Variants in ADAM19 observed in about 807,000 individuals in gnomAD.
ADAM19 encodes ADAM metallopeptidase domain 19, also known as disintegrin and metalloproteinase domain-containing protein 19.
Under a neutral mutation model 114.7 loss-of-function variants are expected in ADAM19, and 65 were observed. The ratio of observed to expected loss-of-function variants is 0.57; its 90% confidence interval spans 0.46 to 0.70. ADAM19 has a LOEUF of 0.70. Ranked by LOEUF, ADAM19 falls within the 30% of genes least tolerant of loss-of-function variation. ADAM19 has a pLI of 0.00. For synonymous variants in ADAM19, 466 were observed against 460.5 expected (o/e 1.01, Z -0.15); for missense variants, 1,063 against 1,204.7 (o/e 0.88, Z 1.74).
chr5:157,514,451 T>G (rs1581318187), intron 7 of ADAM19, among the ~76,000 whole-genome samples: 1 of 151,876 alleles, frequency 6.6e-6, no homozygotes, highest in African/African-American at 2.4e-5. Context: ...CTCAGCCTCC[T>G]GAGTAGCTGG....
intron 22 of ADAM19, chr5:157,481,237 T>C: frequency 1.6e-6 from 1 of 610,384 alleles, no homozygotes; most frequent in Non-Finnish European, 2.9e-6. Flanking sequence ...TTCCCTTCCC[T>C]GCTAAGGCAG....
chr5:157,477,775 A>C lies in ADAM19; in HGVS notation c.*3174T>G, dbSNP rs1754635536. ...TAAATTAGGAAGTAGGCAGGGAGAG[A>C]CTTCCAATAAAGATTGGAAAGGCGT... is the stretch of plus-strand genomic sequence containing the variant. On this transcript the variant is annotated 3_prime_UTR_variant, in exon 23 of 23. Coordinates refer to ENST00000257527, the MANE Select transcript of ADAM19 (RefSeq NM_033274.5). 1 of 1,270,254 alleles carries C rather than the reference A, an allele frequency of 7.9e-7. No individual in the cohort carries two copies. Among genetic ancestry groups the C allele is most frequent in the Non-Finnish European group, 1.0e-6 (1 of 971,394 alleles). 78.7% of individuals were successfully genotyped at this position (1,270,254 alleles called of 1,614,324 possible).
At chr5:157,543,445 A>G (rs774375458) in intron 3 of ADAM19, among the ~76,000 whole-genome samples, 4 of 152,208 alleles carry the variant, frequency 2.6e-5, no homozygotes, top group Non-Finnish European at 5.9e-5. Flanking sequence ...ATGGTTTCTC[A>G]TCATAAAATG....
At position 157,493,216 on chromosome 5, in the gene ADAM19, G is replaced by C. The variant is rs371224819; in HGVS notation, c.1704-39C>G. On this transcript the variant is annotated intron_variant, in intron 15 of 22. Coordinates refer to ENST00000257527, the MANE Select transcript of ADAM19 (RefSeq NM_033274.5). ...ACAGAGAGGGAAGGAAGCGGAATCA[G>C]AGGCAGAGGAAGAGCTGGGGCACCA... 7.5e-6 allele frequency: 12 copies of C among 1,602,086 alleles called. No homozygotes were observed. The African/African-American group carries it at 1.3e-4, about 18-fold the overall frequency.
intron 3 of ADAM19, among the ~76,000 whole-genome samples, chr5:157,548,404 C>T (rs1359525838): frequency 1.3e-5 from 2 of 152,168 alleles, no homozygotes; most frequent in Non-Finnish European, 2.9e-5. Flanking sequence ...TTGGCACTCA[C>T]AATATTTGTT....
intron 3 of ADAM19, among the ~76,000 whole-genome samples, chr5:157,556,827 G>A (rs771953079): frequency 2.6e-5 from 4 of 152,218 alleles, no homozygotes. Flanking sequence ...AAGACATTGT[G>A]TGAAGTGCCT....
At chr5:157,538,037 C>T in intron 3 of ADAM19, 46 bp from the exon 4 acceptor site, 1 of 1,472,422 alleles carries the variant, frequency 6.8e-7, no homozygotes, top group Non-Finnish European at 9.5e-7. Flanking sequence ...TGGATGAACT[C>T]CACCCTCCTA....
intron 3 of ADAM19, among the ~76,000 whole-genome samples, chr5:157,550,181 T>C (rs141020280): frequency 2.6e-4 from 40 of 152,292 alleles, no homozygotes; most frequent in African/African-American, 9.4e-4. Context: ...GAAGTTTATG[T>C]CACACAGTTC....
Position 157,518,817 on chromosome 5 carries a change from C to T in ADAM19, c.666+6G>A, listed in dbSNP as rs761701277. 15 of 1,612,544 alleles carry T rather than the reference C, an allele frequency of 9.3e-6. No homozygotes were observed. The highest frequency in any genetic ancestry group is 1.3e-5 in the African/African-American group (1 of 74,898). On this transcript the variant is annotated splice_donor_region_variant and intron_variant, in intron 7 of 22. Coordinates refer to ENST00000257527, the MANE Select transcript of ADAM19 (RefSeq NM_033274.5). The stretch of plus-strand genomic sequence containing the variant: ...TTTTCTGCAAGACCCATTGCCTCCC[C>T]CTTACCTCTAAATAATCAGCCACGA...
chr5:157,495,477 A>T (rs1452574967), intron 14 of ADAM19, among the ~76,000 whole-genome samples: 1 of 152,210 alleles, frequency 6.6e-6, no homozygotes, highest in African/African-American at 2.4e-5. Flanking sequence ...TTTTTCTTGT[A>T]GTCATCCAGT....
rs565248363 is a variant in ADAM19 at position 157,554,714 on chromosome 5, G to A, written c.251+9659C>T. Among the ~76,000 whole-genome samples, 11 of 152,300 alleles carry A rather than the reference G, an allele frequency of 7.2e-5. No individual in the cohort carries two copies. The South Asian group carries it at 1.5e-3, about 20-fold the overall frequency. Reference sequence around the variant, plus strand: ...GACCCTGCAAAACACAAATAACAGTGTCTATTTATTGTGCTCTCATAGTGC... The same window carrying A: ...GACCCTGCAAAACACAAATAACAGTATCTATTTATTGTGCTCTCATAGTGC... On this transcript the variant is annotated intron_variant, in intron 3 of 22. Transcript: ENST00000257527.
At chr5:157,499,359 G>A (rs35668869) in intron 13 of ADAM19, among the ~76,000 whole-genome samples, 13,558 of 151,940 alleles carry the variant, frequency 0.089, 809 homozygotes, top group Middle Eastern at 0.17. Flanking sequence ...CCAAAGAAGC[G>A]CCACCCTCCT....
rs771656257 is a variant in ADAM19, at chr5:157,518,806, C to A, written c.666+17G>T. ...AAGAGAGCAGTTTTTCTGCAAGACCCATTGCCTCCCCCTTACCTCTAAATA... is the reference window on the plus strand; with the variant it reads ...AAGAGAGCAGTTTTTCTGCAAGACCAATTGCCTCCCCCTTACCTCTAAATA... On this transcript the variant is annotated intron_variant, in intron 7 of 22. Coordinates refer to ENST00000257527, the MANE Select transcript of ADAM19 (RefSeq NM_033274.5). 1.9e-6 allele frequency: 3 copies of A among 1,606,480 alleles called. No individual in the cohort carries two copies. The East Asian group carries it at 6.7e-5, about 36-fold the overall frequency.
At chr5:157,500,547 G>A (rs1243775965) in intron 12 of ADAM19, among the ~76,000 whole-genome samples, 2 of 152,048 alleles carry the variant, frequency 1.3e-5, no homozygotes, top group Non-Finnish European at 2.9e-5. Flanking sequence ...TTTCATGGGT[G>A]CCCTCCTGCC....
intron 1 of ADAM19, among the ~76,000 whole-genome samples, chr5:157,571,432 C>T (rs765340860): frequency 1.3e-5 from 2 of 152,022 alleles, no homozygotes; most frequent in Non-Finnish European, 2.9e-5. Context: ...TGAACTTGGC[C>T]TGTTGAAGGA....
chr5:157,499,445 T>C lies in ADAM19; in HGVS notation c.1398+128A>G, dbSNP rs1581303077. On this transcript the variant is annotated intron_variant, in intron 13 of 22. Transcript: ENST00000257527. ...TTCAAGGCACCTTTTCCGCTCTGTGTTTCTGAAACTCTGTTGCCATCACAG... is the reference window on the plus strand; with the variant it reads ...TTCAAGGCACCTTTTCCGCTCTGTGCTTCTGAAACTCTGTTGCCATCACAG... The C allele has an allele frequency of 5.0e-6, 4 of 794,328 alleles. No individual in the cohort carries two copies. The East Asian group carries it at 1.1e-4, about 21-fold the overall frequency. 49.2% of individuals were successfully genotyped at this position (794,328 alleles called of 1,614,324 possible).
At chr5:157,529,328 A>G (rs976584281) in intron 5 of ADAM19, among the ~76,000 whole-genome samples, 3 of 152,038 alleles carry the variant, frequency 2.0e-5, no homozygotes, top group African/African-American at 7.3e-5. Flanking sequence ...CTTCAAAAAA[A>G]AAAAAAGAGG....
intron 5 of ADAM19, among the ~76,000 whole-genome samples, chr5:157,525,259 A>T (rs1318736570): frequency 6.6e-6 from 1 of 152,202 alleles, no homozygotes; most frequent in African/African-American, 2.4e-5. Context: ...TGCAGAAGGA[A>T]GGCAAGGAAT....
At chr5:157,507,475 CAGA>C (rs1468429744) in intron 9 of ADAM19, among the ~76,000 whole-genome samples, 1 of 152,182 alleles carries the variant, frequency 6.6e-6, no homozygotes, top group Non-Finnish European at 1.5e-5. Flanking sequence ...AGGAAAAGGT[CAGA>C]AGGAGAGGTT....
Sources: gnomAD v4.1 joint callset for allele counts (sites outside exome capture counted in the v4.1 genomes callset) on GRCh38, gnomAD v4.1.1 for gene constraint, MANE v1.5 for transcripts, NCBI Gene and HGNC (gene_info 2026-07-23, HGNC 2026-07-21) for gene names.